Variants in MINPP1 observed in about 807,000 individuals in gnomAD.
MINPP1 encodes multiple inositol polyphosphate phosphatase 1.
MINPP1 carries 28 observed loss-of-function variants against 46.1 expected under a neutral mutation model. That is an observed-to-expected ratio of 0.61 (90% CI 0.45 to 0.83). The LOEUF (loss-of-function observed/expected upper bound fraction) is 0.83, where lower values mean the gene tolerates loss of function less well. MINPP1 is among the 40% of genes least tolerant of loss of function. The pLI is 0.00. For missense variants in MINPP1, 603 were observed against 610.0 expected (o/e 0.99, Z 0.12); for synonymous variants, 268 against 249.1 (o/e 1.08, Z -0.72).
At chr10:87,536,707 A>G (rs1851740769) in intron 4 of MINPP1, among the ~76,000 whole-genome samples, 1 of 152,146 alleles carries the variant, frequency 6.6e-6, no homozygotes, top group African/African-American at 2.4e-5. Flanking sequence ...TGTAAGATTC[A>G]TCTGTGTTGC....
chr10:87,530,749 A>G (rs1386522975), intron 4 of MINPP1, among the ~76,000 whole-genome samples: 1 of 152,208 alleles, frequency 6.6e-6, no homozygotes, highest in African/African-American at 2.4e-5. Context: ...GGGACGTTTA[A>G]GTCTGCAGAA....
chr10:87,506,737 G>A (rs1249413466), intron 1 of MINPP1, among the ~76,000 whole-genome samples: 1 of 152,138 alleles, frequency 6.6e-6, no homozygotes, highest in Non-Finnish European at 1.5e-5. Context: ...TTGAAGTGAG[G>A]ATTATTGTTT....
intron 4 of MINPP1, among the ~76,000 whole-genome samples, chr10:87,533,175 T>A (rs910487837): frequency 2.6e-5 from 4 of 152,134 alleles, no homozygotes; most frequent in Non-Finnish European, 4.4e-5. Flanking sequence ...TGGTTTTTTT[T>A]AATATTAACA....
intron 4 of MINPP1, among the ~76,000 whole-genome samples, chr10:87,535,783 G>A (rs969182105): frequency 5.9e-5 from 9 of 151,926 alleles, no homozygotes; most frequent in African/African-American, 2.2e-4. Context: ...AAAAAAATTA[G>A]CCAGGCGTGG....
chr10:87,524,332 T>C (rs1054355095), intron 4 of MINPP1, among the ~76,000 whole-genome samples: 1 of 152,196 alleles, frequency 6.6e-6, no homozygotes, highest in African/African-American at 2.4e-5. Context: ...CCTTACCTCT[T>C]AGCTTTTCTA....
chr10:87,549,492 A>G (rs1001483993), intron 4 of MINPP1, among the ~76,000 whole-genome samples: 1 of 152,238 alleles, frequency 6.6e-6, no homozygotes, highest in South Asian at 2.1e-4. Flanking sequence ...TTTGGTGCTT[A>G]AAAAGCAGCT....
At chr10:87,517,692 T>A in intron 3 of MINPP1, among the ~76,000 whole-genome samples, 1 of 152,350 alleles carries the variant, frequency 6.6e-6, no homozygotes, top group South Asian at 2.1e-4. Context: ...CTTGTTGCTA[T>A]GAACATTATT....
At chr10:87,541,229 A>G (rs1851811313) in intron 4 of MINPP1, among the ~76,000 whole-genome samples, 1 of 152,226 alleles carries the variant, frequency 6.6e-6, no homozygotes, top group African/African-American at 2.4e-5. Flanking sequence ...GGTCATAGAT[A>G]ATTACCTGGA....
chr10:87,505,545 C>A lies in MINPP1; in HGVS notation c.630C>A (p.Asp210Glu). Residue 210 changes from aspartate to glutamate, a missense_variant, in exon 1 of 5, where the codon GAC (aspartate) becomes GAA (glutamate). By Grantham distance (45) the Asp-to-Glu change is conservative. Coordinates refer to ENST00000371996, the MANE Select transcript of MINPP1 (RefSeq NM_004897.5). This position sits in a 1 kb window ranked among gnomAD's most constrained non-coding sequence, Gnocchi z 4.4. ...QHYHPGLPPP[D>E]VADMEFGPPT... ...ACCACCCTGGCTTGCCGCCGCCGGA[C>A]GTCGCAGGTGACCCCCCGGGCGGCC... 2 of 1,605,412 alleles carry A rather than the reference C, an allele frequency of 1.2e-6. No individual in the cohort carries two copies. The highest frequency in any genetic ancestry group is 2.2e-5 in the East Asian group (1 of 44,772).
At chr10:87,536,056 C>T (rs67736663) in intron 4 of MINPP1, among the ~76,000 whole-genome samples, 24,850 of 152,092 alleles carry the variant, frequency 0.16, 2,082 homozygotes, top group Middle Eastern at 0.21. Flanking sequence ...AGAACATAGA[C>T]AAGTAAAGTC....
intron 4 of MINPP1, among the ~76,000 whole-genome samples, chr10:87,542,023 A>T (rs138948995): frequency 1.3e-5 from 2 of 152,280 alleles, no homozygotes; most frequent in East Asian, 3.9e-4. Context: ...AAATACAGTC[A>T]TGCCTTCACA....
intron 2 of MINPP1, among the ~76,000 whole-genome samples, 167 bp downstream of exon 2, chr10:87,508,700 A>G (rs1401664491): frequency 6.6e-6 from 1 of 152,204 alleles, no homozygotes; most frequent in Admixed American, 6.5e-5. Flanking sequence ...CTTACTATTT[A>G]CCATTTTTAG....
rs1242997279 is a variant in MINPP1, at chr10:87,508,481, T to C, written c.783T>C (p.Ile261=). ...AFKTGPEMQN[I]LKKVAATLQV... Reference sequence around the variant, plus strand: ...AAACTGGACCAGAAATGCAGAACATTTTAAAAAAAGTTGCAGCTACTTTGC... The same window carrying C: ...AAACTGGACCAGAAATGCAGAACATCTTAAAAAAAGTTGCAGCTACTTTGC... Residue 261 remains isoleucine (I), a synonymous_variant, in exon 2 of 5, where the codon ATT becomes ATC. Coordinates refer to ENST00000371996, the MANE Select transcript of MINPP1 (RefSeq NM_004897.5). 6.2e-7 allele frequency: 1 copy of C among 1,613,872 alleles called. No individual in the cohort carries two copies. Among genetic ancestry groups the C allele is most frequent in the Non-Finnish European group, 8.5e-7 (1 of 1,179,846 alleles).
intron 3 of MINPP1, among the ~76,000 whole-genome samples, chr10:87,519,087 G>A (rs1364985505): frequency 1.3e-5 from 2 of 151,926 alleles, no homozygotes; most frequent in Non-Finnish European, 2.9e-5. Flanking sequence ...GTTTCCTGAG[G>A]CCTGCCCTGG....
intron 4 of MINPP1, among the ~76,000 whole-genome samples, chr10:87,534,435 T>C (rs1004787447): frequency 5.9e-5 from 9 of 152,234 alleles, no homozygotes; most frequent in Non-Finnish European, 1.5e-5. Flanking sequence ...CATATTCAAA[T>C]GTCCAGCTGC....
chr10:87,546,035 A>C (rs1836159648), intron 4 of MINPP1, among the ~76,000 whole-genome samples: 1 of 152,258 alleles, frequency 6.6e-6, no homozygotes, highest in Non-Finnish European at 1.5e-5. Flanking sequence ...GTGAGCCAAA[A>C]GACTAGAGCG....
At chr10:87,536,884 TC>T (rs2131832287) in intron 4 of MINPP1, among the ~76,000 whole-genome samples, 2 of 152,354 alleles carry the variant, frequency 1.3e-5, no homozygotes, top group East Asian at 3.9e-4. Context: ...TGATTTGATT[TC>T]TTGGGAACCT....
intron 4 of MINPP1, among the ~76,000 whole-genome samples, chr10:87,524,065 A>G (rs1222234608): frequency 6.6e-6 from 1 of 152,206 alleles, no homozygotes; most frequent in Non-Finnish European, 1.5e-5. Flanking sequence ...TGCTAACAAG[A>G]GAGTCATCCT....
intron 4 of MINPP1, among the ~76,000 whole-genome samples, chr10:87,526,706 T>G (rs1337219171): frequency 6.6e-6 from 1 of 152,246 alleles, no homozygotes; most frequent in Non-Finnish European, 1.5e-5. Context: ...TTAACCCATC[T>G]TGAATTAATT....
Sources: gnomAD v4.1 joint callset for allele counts (sites outside exome capture counted in the v4.1 genomes callset) on GRCh38, gnomAD v4.1.1 for gene constraint, Gnocchi (gnomAD v3.1) non-coding constraint, MANE v1.5 for transcripts, NCBI Gene and HGNC (gene_info 2026-07-23, HGNC 2026-07-21) for gene names.